The following THRB variants were observed in gnomAD, a reference collection of about 807,000 sequenced individuals.
The protein encoded by THRB is thyroid hormone receptor beta.
A neutral mutation model predicts 47.8 loss-of-function variants in THRB; 12 were observed. The observed-to-expected ratio is 0.25, with a 90% confidence interval of 0.16 to 0.41. THRB has a LOEUF of 0.41. THRB is among the 10% of genes least tolerant of loss of function. The pLI is 1.00. For synonymous variants in THRB, 218 were observed against 212.2 expected, an observed-to-expected ratio of 1.03 and a Z score of -0.24; for missense variants, 348 against 589.2, an observed-to-expected ratio of 0.59 and a Z score of 4.24.
At chr3:24,277,544 C>G (rs535766036) in intron 3 of THRB, among the ~76,000 whole-genome samples, 1 of 152,082 alleles carries the variant, frequency 6.6e-6, no homozygotes, top group Non-Finnish European at 1.5e-5. Context: ...TGGTTGGGAT[C>G]CCATTTTGAG....
intron 1 of THRB, among the ~76,000 whole-genome samples, chr3:24,452,630 G>A (rs963760539): frequency 2.0e-5 from 3 of 151,890 alleles, no homozygotes; most frequent in Non-Finnish European, 2.9e-5. Flanking sequence ...AGGAACCGGC[G>A]CTATAAACCA....
At chr3:24,309,380 CT>C (rs1217787738) in intron 2 of THRB, among the ~76,000 whole-genome samples, 1 of 152,152 alleles carries the variant, frequency 6.6e-6, no homozygotes, top group East Asian at 1.9e-4. Context: ...ATCACAAAAG[CT>C]GTTTGTATCC....
intron 4 of THRB, 44 bp downstream of exon 4, chr3:24,228,894 C>CA (rs2047968603): frequency 6.4e-7 from 1 of 1,573,796 alleles, no homozygotes; most frequent in African/African-American, 1.4e-5. Flanking sequence ...CTAGGTGGAA[C>CA]AAAAATGGAG....
At chr3:24,259,036 C>T (rs1251749954) in intron 3 of THRB, among the ~76,000 whole-genome samples, 2 of 152,186 alleles carry the variant, frequency 1.3e-5, no homozygotes, top group Non-Finnish European at 2.9e-5. Context: ...GCTAACTTGG[C>T]CTCCTGATGC....
At chr3:24,165,234 C>T (rs759030915) in intron 5 of THRB, 1 of 765,132 alleles carries the variant, frequency 1.3e-6, no homozygotes, top group East Asian at 2.4e-5. Context: ...ACAGCCTGAG[C>T]ATCGCAACCG....
rs181947367 is a variant in THRB at position 24,127,787 on chromosome 3, A to G, written c.886-30T>C. Reference sequence around the variant, plus strand: ...AAAGAACCAGTTCATGTCAGCAAAGAACAAATGCAAAAATGCCAGTCAGGA... The same window carrying G: ...AAAGAACCAGTTCATGTCAGCAAAGGACAAATGCAAAAATGCCAGTCAGGA... On this transcript the variant is annotated intron_variant, in intron 9 of 10. Transcript: ENST00000646209. 1.5e-4 allele frequency: 245 copies of G among 1,614,072 alleles called. No individual in the cohort carries two copies. In the East Asian group the frequency reaches 2.9e-3, roughly 19 times the overall value.
chr3:24,409,248 T>G (rs1304889032), intron 1 of THRB, among the ~76,000 whole-genome samples: 1 of 151,866 alleles, frequency 6.6e-6, no homozygotes, highest in Non-Finnish European at 1.5e-5. Context: ...AAGTTAAATT[T>G]GCACAGACAG....
At chr3:24,240,904 C>A (rs2049419283) in intron 3 of THRB, among the ~76,000 whole-genome samples, 1 of 152,168 alleles carries the variant, frequency 6.6e-6, no homozygotes, top group Non-Finnish European at 1.5e-5. Context: ...AGGCTGTACT[C>A]ACTCAACACA....
chr3:24,441,328 A>G (rs573695903), intron 1 of THRB, among the ~76,000 whole-genome samples: 8 of 152,304 alleles, frequency 5.3e-5, no homozygotes, highest in African/African-American at 1.9e-4. Context: ...CAGTGTGTAC[A>G]CGATTGGGTA....
intron 4 of THRB, among the ~76,000 whole-genome samples, chr3:24,223,035 C>T (rs9864631): frequency 0.095 from 14,456 of 152,220 alleles, 748 homozygotes; most frequent in Non-Finnish European, 0.12. Context: ...CTGTGGGAAG[C>T]GGAGCCGAGG....
chr3:24,246,666 C>G (rs947938309), intron 3 of THRB, among the ~76,000 whole-genome samples: 1 of 152,108 alleles, frequency 6.6e-6, no homozygotes, highest in Non-Finnish European at 1.5e-5. Context: ...TAACGCTTTC[C>G]CAGTGAGAGA....
chr3:24,231,923 C>T (rs202021252), intron 3 of THRB, among the ~76,000 whole-genome samples: 15 of 152,130 alleles, frequency 9.9e-5, no homozygotes, highest in African/African-American at 3.4e-4. Context: ...ACAAAAACAG[C>T]GAAGGGCTTT....
At chr3:24,401,388 AC>A (rs1251396721) in intron 1 of THRB, among the ~76,000 whole-genome samples, 3 of 152,084 alleles carry the variant, frequency 2.0e-5, no homozygotes, top group African/African-American at 7.2e-5. Flanking sequence ...ATTTAAAGAG[AC>A]TTTTTTTGCA....
intron 3 of THRB, among the ~76,000 whole-genome samples, chr3:24,236,224 G>C (rs1440873243): frequency 6.6e-6 from 1 of 152,120 alleles, no homozygotes; most frequent in African/African-American, 2.4e-5. Context: ...TCCAATCCCA[G>C]GTATGGAGGA....
chr3:24,222,607 T>C (rs146742470), intron 4 of THRB, among the ~76,000 whole-genome samples: 2 of 152,308 alleles, frequency 1.3e-5, no homozygotes, highest in African/African-American at 4.8e-5. Flanking sequence ...TTAAAGACTT[T>C]CTGTGTGATG....
chr3:24,280,158 G>T (rs183298428), intron 3 of THRB, among the ~76,000 whole-genome samples: 1 of 152,212 alleles, frequency 6.6e-6, no homozygotes, highest in African/African-American at 2.4e-5. Flanking sequence ...CAGCCTGAGC[G>T]ACGCAGAAGA....
At chr3:24,397,785 A>G (rs1469074921) in intron 1 of THRB, among the ~76,000 whole-genome samples, 1 of 151,764 alleles carries the variant, frequency 6.6e-6, no homozygotes, top group East Asian at 1.9e-4. Context: ...GGGTTTCACT[A>G]TGTTGGTCAG....
chr3:24,325,586 C>T (rs2058751542), intron 2 of THRB, among the ~76,000 whole-genome samples: 1 of 152,182 alleles, frequency 6.6e-6, no homozygotes, highest in Admixed American at 6.5e-5. Context: ...ACTCAGGAGA[C>T]TGAGGCAGGA....
At chr3:24,143,983 A>G in intron 7 of THRB, 3 of 501,468 alleles carry the variant, frequency 6.0e-6, no homozygotes, top group Non-Finnish European at 1.1e-5. Context: ...CCAACTCCAC[A>G]GAAGGTGGTT....
Sources: allele counts gnomAD v4.1 joint callset (sites outside exome capture counted in the v4.1 genomes callset), GRCh38; gene constraint gnomAD v4.1.1; transcripts MANE v1.5; gene names NCBI Gene and HGNC (gene_info 2026-07-23, HGNC 2026-07-21).